The following CYSLTR2 variants were observed in gnomAD, a reference collection of about 807,000 sequenced individuals.
CYSLTR2 encodes the protein cysteinyl leukotriene receptor 2.
For missense variants in CYSLTR2, 398 were observed against 411.9 expected (o/e 0.97, Z 0.29); for synonymous variants, 179 against 160.8 (o/e 1.11, Z -0.86).
intron 1 of CYSLTR2, among the ~76,000 whole-genome samples, chr13:48,665,977 T>G (rs529654127): frequency 1.3e-5 from 2 of 152,242 alleles, no homozygotes; most frequent in South Asian, 4.1e-4. Context: ...TTCTCCTTTG[T>G]GTATCAGCTC....
chr13:48,674,656 T>C (rs2138866832), intron 1 of CYSLTR2, among the ~76,000 whole-genome samples: 1 of 152,322 alleles, frequency 6.6e-6, no homozygotes, highest in East Asian at 1.9e-4. Context: ...TTCAGTTTTG[T>C]TCCCTTGCTG....
intron 1 of CYSLTR2, among the ~76,000 whole-genome samples, chr13:48,657,389 G>A (rs150876956): frequency 0.011 from 1,669 of 152,152 alleles, 15 homozygotes; most frequent in Middle Eastern, 0.024. Context: ...TGGGACCAGA[G>A]GCAGAGTTTT....
intron 1 of CYSLTR2, among the ~76,000 whole-genome samples, chr13:48,677,895 G>C (rs1386828734): frequency 7.0e-6 from 1 of 142,186 alleles, no homozygotes; most frequent in South Asian, 2.2e-4. Context: ...TTGGGACAGA[G>C]TCTCACTTCA....
chr13:48,691,852 G>A (rs1019897366), intron 2 of CYSLTR2, among the ~76,000 whole-genome samples: 1 of 151,824 alleles, frequency 6.6e-6, no homozygotes, highest in African/African-American at 2.4e-5. Flanking sequence ...ATAATTAACA[G>A]AAAAATAAAA....
At chr13:48,694,397 C>A (rs1221718774) in intron 3 of CYSLTR2, among the ~76,000 whole-genome samples, 1 of 152,088 alleles carries the variant, frequency 6.6e-6, no homozygotes, top group Non-Finnish European at 1.5e-5. Context: ...ACACTTAGGA[C>A]AATAGACAGA....
chr13:48,669,979 G>A (rs548217226), intron 1 of CYSLTR2, among the ~76,000 whole-genome samples: 27 of 152,330 alleles, frequency 1.8e-4, no homozygotes, highest in Non-Finnish European at 2.1e-4. Context: ...TCTAACTGGC[G>A]TGAGATAGTA....
At chr13:48,672,336 G>T (rs1953455458) in intron 1 of CYSLTR2, among the ~76,000 whole-genome samples, 1 of 151,854 alleles carries the variant, frequency 6.6e-6, no homozygotes, top group South Asian at 2.1e-4. Context: ...GAATTTGTTT[G>T]CTCTTGCTTC....
intron 1 of CYSLTR2, among the ~76,000 whole-genome samples, chr13:48,676,246 C>T (rs1372905143): frequency 6.6e-6 from 1 of 152,204 alleles, no homozygotes; most frequent in Non-Finnish European, 1.5e-5. Flanking sequence ...GATTGTACAG[C>T]TCCACTAGTT....
At position 48,706,923 on chromosome 13, in the gene CYSLTR2, T is replaced by A. The variant is rs1954504760; in HGVS notation, c.106T>A (p.Phe36Ile). ...CAGCAGGAACTGCACAATTGAAAAC[T>A]TCAAGAGAGAATTTTTCCCAATTGT... is the stretch of plus-strand genomic sequence containing the variant. ...NNSRNCTIEN[F>I]KREFFPIVYL... Residue 36 changes from phenylalanine (F) to isoleucine (I), a missense_variant, in exon 5 of 5, where the codon TTC (phenylalanine) becomes ATC (isoleucine). Phe to Ile is a conservative substitution (Grantham distance 21). Transcript: ENST00000682523. 6.2e-7 allele frequency: 1 copy of A among 1,614,076 alleles called. No homozygotes were observed. Among genetic ancestry groups the A allele is most frequent in the Admixed American group, 1.7e-5 (1 of 59,998 alleles).
chr13:48,677,357 G>C (rs1381084841), intron 1 of CYSLTR2, among the ~76,000 whole-genome samples: 1 of 152,138 alleles, frequency 6.6e-6, no homozygotes. Context: ...CGACACCAGA[G>C]TCCTCTGGTT....
At chr13:48,696,175 T>C (rs1954181646) in intron 3 of CYSLTR2, among the ~76,000 whole-genome samples, 1 of 152,264 alleles carries the variant, frequency 6.6e-6, no homozygotes, top group African/African-American at 2.4e-5. Context: ...TATGTGCTTA[T>C]ATGCTATCTG....
chr13:48,666,817 T>C (rs1281818442), intron 1 of CYSLTR2, among the ~76,000 whole-genome samples: 2 of 152,332 alleles, frequency 1.3e-5, no homozygotes, highest in East Asian at 3.9e-4. Flanking sequence ...CTGATTTCAT[T>C]GAATTGTCTA....
chr13:48,695,219 C>A (rs185790628), intron 3 of CYSLTR2, among the ~76,000 whole-genome samples: 3 of 151,804 alleles, frequency 2.0e-5, no homozygotes, highest in African/African-American at 7.2e-5. Flanking sequence ...GGACTACAGG[C>A]ATGCGCCACC....
chr13:48,705,329 C>T (rs543849773), intron 4 of CYSLTR2, among the ~76,000 whole-genome samples: 22 of 152,106 alleles, frequency 1.4e-4, no homozygotes, highest in African/African-American at 4.6e-4. Flanking sequence ...TTGTTATAGG[C>T]GGTACATAAT....
intron 1 of CYSLTR2, among the ~76,000 whole-genome samples, chr13:48,669,656 G>T (rs950342842): frequency 6.6e-6 from 1 of 151,968 alleles, no homozygotes; most frequent in East Asian, 1.9e-4. Flanking sequence ...TATGTACCAC[G>T]TTTTCTTTAT....
chr13:48,695,287 C>T (rs1397485038), intron 3 of CYSLTR2, among the ~76,000 whole-genome samples: 4 of 146,148 alleles, frequency 2.7e-5, no homozygotes, highest in African/African-American at 1.0e-4. Context: ...TTCCTTCTTT[C>T]CTTCTTCTCT....
At chr13:48,677,310 A>G (rs1953623192) in intron 1 of CYSLTR2, among the ~76,000 whole-genome samples, 1 of 151,446 alleles carries the variant, frequency 6.6e-6, no homozygotes, top group Non-Finnish European at 1.5e-5. Flanking sequence ...GGGAAGGCAT[A>G]TTGCTGTAGA....
intron 1 of CYSLTR2, among the ~76,000 whole-genome samples, chr13:48,686,220 G>A (rs1953890935): frequency 6.6e-6 from 1 of 152,044 alleles, no homozygotes; most frequent in African/African-American, 2.4e-5. Flanking sequence ...ACCACCTTTT[G>A]GGGTAGGTTA....
intron 1 of CYSLTR2, among the ~76,000 whole-genome samples, chr13:48,661,259 C>T (rs1953121337): frequency 6.6e-6 from 1 of 151,932 alleles, no homozygotes; most frequent in African/African-American, 2.4e-5. Flanking sequence ...GCCGCATTAC[C>T]CCCTTTTACT....
Sources: gnomAD v4.1 joint callset for allele counts (sites outside exome capture counted in the v4.1 genomes callset) on GRCh38, gnomAD v4.1.1 for gene constraint, MANE v1.5 for transcripts, NCBI Gene and HGNC (gene_info 2026-07-23, HGNC 2026-07-21) for gene names.